The following NKAIN2 variants were observed in gnomAD, a reference collection of about 807,000 sequenced individuals.
NKAIN2 encodes sodium/potassium-transporting ATPase subunit beta-1-interacting protein 2.
A neutral mutation model predicts 32.6 loss-of-function variants in NKAIN2; 14 were observed. That is an observed-to-expected ratio of 0.43 (90% CI 0.28 to 0.67). The LOEUF is 0.67. Among genes scored for constraint, NKAIN2 ranks in the 30% least tolerant of loss-of-function variants. The pLI, the probability that NKAIN2 is intolerant of heterozygous loss-of-function variation, is 0.17. For synonymous variants in NKAIN2, 80 were observed against 87.2 expected (o/e 0.92, Z 0.46); for missense variants, 198 against 258.3 (o/e 0.77, Z 1.60).
rs184616891 is a variant in NKAIN2, at chr6:124,484,940, C to T, written c.273+129593C>T. On this transcript the variant is annotated intron_variant, in intron 3 of 6. Coordinates refer to ENST00000368417, the MANE Select transcript of NKAIN2 (RefSeq NM_001040214.3). ...GCAAAGTCCCTGCTAGCATATAAAA[C>T]ACATTGTGCATAATAAAAAAAAGAG... is the stretch of plus-strand genomic sequence containing the variant. Among the ~76,000 whole-genome samples the T allele has an allele frequency of 5.7e-3, 874 of 152,180 alleles. 7 individuals carry two copies. The highest frequency in any genetic ancestry group is 9.5e-3 in the Non-Finnish European group (645 of 68,010).
At chr6:124,727,669 C>A (rs1299614957) in intron 4 of NKAIN2, among the ~76,000 whole-genome samples, 2 of 149,860 alleles carry the variant, frequency 1.3e-5, no homozygotes, top group Non-Finnish European at 1.5e-5. Context: ...AAATAAGCAA[C>A]TAACATCATA....
At chr6:124,578,547 G>A (rs1211748348) in intron 3 of NKAIN2, among the ~76,000 whole-genome samples, 3 of 151,952 alleles carry the variant, frequency 2.0e-5, no homozygotes, top group African/African-American at 7.3e-5. Flanking sequence ...TGCCAGTTCA[G>A]CCTCAGTAGA....
chr6:124,169,613 A>C (rs1788745401), intron 1 of NKAIN2, among the ~76,000 whole-genome samples: 1 of 152,228 alleles, frequency 6.6e-6, no homozygotes, highest in South Asian at 2.1e-4. Flanking sequence ...AACCAGGCTT[A>C]AATTCTACTG....
intron 3 of NKAIN2, among the ~76,000 whole-genome samples, chr6:124,411,360 C>G (rs1774171771): frequency 1.3e-5 from 2 of 152,030 alleles, no homozygotes; most frequent in East Asian, 1.9e-4. Context: ...TTCAGGAGCT[C>G]TTTTAGGGCA....
At chr6:123,849,724 A>C (rs1775236122) in intron 1 of NKAIN2, among the ~76,000 whole-genome samples, 1 of 152,132 alleles carries the variant, frequency 6.6e-6, no homozygotes, top group Admixed American at 6.5e-5. Flanking sequence ...TAATATGGGC[A>C]GGGTGGCCAA....
intron 1 of NKAIN2, among the ~76,000 whole-genome samples, chr6:124,013,420 T>C (rs1280326547): frequency 1.3e-5 from 2 of 152,200 alleles, no homozygotes; most frequent in Admixed American, 6.6e-5. Flanking sequence ...TCTGTATGTT[T>C]TACAATTTTA....
chr6:124,079,939 GGA>G (rs1783876964), intron 1 of NKAIN2, among the ~76,000 whole-genome samples: 2 of 149,710 alleles, frequency 1.3e-5, no homozygotes, highest in Non-Finnish European at 3.0e-5. Flanking sequence ...GCATTTGGAT[GGA>G]AAAAAAAAAA....
intron 1 of NKAIN2, among the ~76,000 whole-genome samples, chr6:124,275,925 T>C (rs1795009514): frequency 6.6e-6 from 1 of 152,136 alleles, no homozygotes; most frequent in South Asian, 2.1e-4. Flanking sequence ...TTAGGACTTA[T>C]GTATTATAAC....
chr6:124,396,415 CCTG>C (rs1018891655), intron 3 of NKAIN2, among the ~76,000 whole-genome samples: 1 of 143,038 alleles, frequency 7.0e-6, no homozygotes, highest in African/African-American at 2.6e-5. Flanking sequence ...ATGAATAAGA[CCTG>C]CTATTTGATT....
intron 4 of NKAIN2, among the ~76,000 whole-genome samples, chr6:124,667,683 A>G (rs1267809712): frequency 6.6e-6 from 1 of 152,140 alleles, no homozygotes; most frequent in Non-Finnish European, 1.5e-5. Flanking sequence ...TGGTGATAGG[A>G]CAATAATAGT....
chr6:124,690,867 C>G (rs1317148869), intron 4 of NKAIN2, among the ~76,000 whole-genome samples: 2 of 152,134 alleles, frequency 1.3e-5, no homozygotes, highest in Non-Finnish European at 2.9e-5. Flanking sequence ...TCCTAAAGCA[C>G]TGGATTTATT....
intron 2 of NKAIN2, among the ~76,000 whole-genome samples, chr6:124,303,368 C>T (rs879293652): frequency 3.3e-5 from 5 of 151,946 alleles, no homozygotes; most frequent in Admixed American, 6.6e-5. Context: ...GCATAGTCTT[C>T]GGCAGCAGCA....
intron 1 of NKAIN2, among the ~76,000 whole-genome samples, chr6:124,250,545 C>T (rs1302496132): frequency 6.6e-6 from 1 of 151,926 alleles, no homozygotes; most frequent in African/African-American, 2.4e-5. Flanking sequence ...TAAAATAGTA[C>T]CTTCAATCTA....
chr6:124,461,209 C>T (rs530829339), intron 3 of NKAIN2, among the ~76,000 whole-genome samples: 5 of 151,844 alleles, frequency 3.3e-5, no homozygotes, highest in Middle Eastern at 3.4e-3. Flanking sequence ...GTCAACCTGG[C>T]TTCGAATGTG....
At chr6:124,320,303 T>A (rs1401705294) in intron 2 of NKAIN2, among the ~76,000 whole-genome samples, 4 of 152,194 alleles carry the variant, frequency 2.6e-5, no homozygotes, top group African/African-American at 9.6e-5. Context: ...ATGCACTATT[T>A]TCATTGCAGT....
intron 3 of NKAIN2, among the ~76,000 whole-genome samples, chr6:124,358,464 C>G (rs1036979994): frequency 6.6e-6 from 1 of 152,014 alleles, no homozygotes; most frequent in East Asian, 1.9e-4. Flanking sequence ...TAATGATCAC[C>G]ATTCTAACTG....
In NKAIN2 at chr6:124,712,571, AC is replaced by A. The variant is rs1435141206; in HGVS notation, c.474+54188del. On this transcript the variant is annotated intron_variant, in intron 4 of 6. Transcript: ENST00000368417. Reference sequence around the variant, plus strand: ...AAAGCGCAGTATTCGGGTGGGAGTGACCCGATTTTCCAGGTGCGTCCGTCAC... The same window carrying A: ...AAAGCGCAGTATTCGGGTGGGAGTGACCGATTTTCCAGGTGCGTCCGTCAC... Among the ~76,000 whole-genome samples the A allele has an allele frequency of 9.5e-5, 13 of 137,478 alleles. 1 individual carries two copies. The highest frequency in any genetic ancestry group is 9.3e-4 in the Admixed American group (13 of 13,914). 90.2% of individuals were successfully genotyped at this position (137,478 alleles called of 152,430 possible).
intron 1 of NKAIN2, among the ~76,000 whole-genome samples, chr6:124,110,660 T>C (rs1785341875): frequency 6.6e-6 from 1 of 152,134 alleles, no homozygotes; most frequent in African/African-American, 2.4e-5. Flanking sequence ...GGTTTTCTGT[T>C]CTTGCATTAA....
chr6:124,680,910 T>C (rs1255321424), intron 4 of NKAIN2, among the ~76,000 whole-genome samples: 1 of 151,916 alleles, frequency 6.6e-6, no homozygotes, highest in Non-Finnish European at 1.5e-5. Flanking sequence ...ATATTTAAAA[T>C]ATACTTCTAC....
Sources: gnomAD v4.1 joint callset for allele counts (sites outside exome capture counted in the v4.1 genomes callset) on GRCh38, gnomAD v4.1.1 for gene constraint, MANE v1.5 for transcripts, NCBI Gene and HGNC (gene_info 2026-07-23, HGNC 2026-07-21) for gene names.